Variants in MCOLN2 observed in about 807,000 individuals in gnomAD.
MCOLN2 encodes mucolipin-2.
MCOLN2 carries 57 observed loss-of-function variants against 67.5 expected under a neutral mutation model. The observed-to-expected ratio is 0.84, with a 90% CI of 0.68 to 1.05. The LOEUF (loss-of-function observed/expected upper bound fraction) is 1.05. Ranked by LOEUF, MCOLN2 falls within the 50% of genes least tolerant of loss-of-function variation. The pLI, the probability that MCOLN2 is intolerant of heterozygous loss-of-function variation, is 0.00. For missense variants in MCOLN2, 620 were observed against 678.8 expected (o/e 0.91, Z 0.96); for synonymous variants, 246 against 233.3 (o/e 1.05, Z -0.50).
chr1:84,952,055 C>G (rs1177974534), intron 6 of MCOLN2, among the ~76,000 whole-genome samples, 188 bp downstream of exon 6: 1 of 152,058 alleles, frequency 6.6e-6, no homozygotes, highest in Non-Finnish European at 1.5e-5. Context: ...CCACTGCACT[C>G]CAGCCTGGGT....
chr1:84,968,811 G>A (rs1649511336), intron 1 of MCOLN2, among the ~76,000 whole-genome samples: 1 of 152,210 alleles, frequency 6.6e-6, no homozygotes, highest in African/African-American at 2.4e-5. Context: ...TACCCTGTCT[G>A]ATTGTAGGTC....
chr1:84,963,211 G>A (rs2102854647), intron 2 of MCOLN2, among the ~76,000 whole-genome samples: 1 of 152,262 alleles, frequency 6.6e-6, no homozygotes, highest in African/African-American at 2.4e-5. Context: ...TCACAGGATT[G>A]CAATGAGGAT....
At chr1:84,943,034 C>T (rs1043609554) in intron 7 of MCOLN2, among the ~76,000 whole-genome samples, 6 of 152,024 alleles carry the variant, frequency 3.9e-5, no homozygotes, top group African/African-American at 7.3e-5. Context: ...TAACAGAAAA[C>T]GGACTAAGAC....
At chr1:84,974,579 C>G (rs557689186) in intron 1 of MCOLN2, among the ~76,000 whole-genome samples, 1 of 152,156 alleles carries the variant, frequency 6.6e-6, no homozygotes, top group East Asian at 1.9e-4. Context: ...CCATTCCTGG[C>G]AGCATTCATC....
intron 6 of MCOLN2, 57 bp from the exon 7 acceptor site, chr1:84,947,189 A>T: frequency 1.1e-6 from 1 of 890,082 alleles, no homozygotes; most frequent in South Asian, 1.4e-5. Flanking sequence ...AACATGTTAG[A>T]TCAAATCTGC....
intron 3 of MCOLN2, among the ~76,000 whole-genome samples, chr1:84,957,488 A>G (rs1648856754): frequency 1.3e-5 from 2 of 152,206 alleles, no homozygotes; most frequent in African/African-American, 2.4e-5. Flanking sequence ...ATAGATAACA[A>G]TTGGAAGATT....
In MCOLN2 at chr1:84,931,248, C is replaced by T. The variant is rs1661386917; in HGVS notation, c.1542+114G>A. The T allele has an allele frequency of 8.1e-6, 6 of 738,876 alleles. No individual in the cohort carries two copies. In the East Asian group the frequency reaches 1.6e-4, roughly 19 times the overall value. The allele number at this position is 738,876 out of a possible 1,614,324, so 45.8% of individuals were successfully genotyped here. A position where few individuals can be genotyped will look rare whatever the true frequency, so the allele number is the denominator to read the frequency against. ...CTCCAGCGTCTAAAAAGTTTGTCCA[C>T]AAAACCTCAAAATCTGAACTGTAAT... On this transcript the variant is annotated intron_variant, in intron 12 of 13. Transcript: ENST00000370608.
intron 7 of MCOLN2, among the ~76,000 whole-genome samples, chr1:84,941,422 G>A (rs1385181306): frequency 1.3e-5 from 2 of 152,184 alleles, no homozygotes; most frequent in South Asian, 2.1e-4. Context: ...GCATGAAGCC[G>A]GGAGGCAGAG....
intron 1 of MCOLN2, among the ~76,000 whole-genome samples, chr1:84,992,459 G>C (rs1650938647): frequency 1.3e-5 from 2 of 152,072 alleles, no homozygotes; most frequent in Non-Finnish European, 2.9e-5. Flanking sequence ...GGCAGGCTGA[G>C]AAGAACGGGA....
intron 7 of MCOLN2, among the ~76,000 whole-genome samples, chr1:84,943,726 T>G (rs1647924980): frequency 6.6e-6 from 1 of 152,204 alleles, no homozygotes; most frequent in African/African-American, 2.4e-5. Context: ...TTCATCTTAC[T>G]AAGCTTCAGA....
chr1:84,961,190 C>T (rs557071247), intron 2 of MCOLN2, among the ~76,000 whole-genome samples: 29 of 152,224 alleles, frequency 1.9e-4, no homozygotes, highest in African/African-American at 6.5e-4. Flanking sequence ...AGGATCTGGA[C>T]CCAGGTCTGA....
chr1:84,987,680 A>G (rs1254830708), intron 1 of MCOLN2, among the ~76,000 whole-genome samples: 2 of 148,022 alleles, frequency 1.4e-5, no homozygotes, highest in Admixed American at 6.8e-5. Flanking sequence ...GTATATAGAT[A>G]TATAGATGTA....
At chr1:84,964,749 G>A (rs1029989721) in intron 2 of MCOLN2, among the ~76,000 whole-genome samples, 1 of 152,108 alleles carries the variant, frequency 6.6e-6, no homozygotes, top group African/African-American at 2.4e-5. Flanking sequence ...TTCTCATAAG[G>A]AGCCGCACCT....
In MCOLN2 at chr1:84,931,560, AT is replaced by A. The variant is rs769070765; in HGVS notation, c.1343del (p.Asn448IlefsTer2). On this transcript the variant is annotated frameshift_variant, in exon 12 of 14. Transcript: ENST00000370608. LOFTEE classifies it high-confidence loss of function. ...VLGPYHDKFE[N>X]LNTVAECLFS... is the part of the protein sequence containing the mutation. The stretch of plus-strand genomic sequence containing the variant: ...ACAGACACTCAGCAACTGTGTTCAG[AT>A]TTTCAAACTGTAGGGGGAAATAAAA... 6.2e-7 allele frequency: 1 copy of A among 1,613,652 alleles called. No homozygotes were observed. The highest frequency in any genetic ancestry group is 8.5e-7 in the Non-Finnish European group (1 of 1,179,710).
Position 84,958,311 on chromosome 1 carries a change from T to TAAAAA in MCOLN2, c.411+217_411+218insTTTTT, listed in dbSNP as rs542086396. Among the ~76,000 whole-genome samples the TAAAAA allele has an allele frequency of 1.4e-4, 21 of 152,308 alleles. No individual in the cohort carries two copies. The South Asian group carries it at 3.3e-3, about 24-fold the overall frequency. On this transcript the variant is annotated intron_variant, in intron 3 of 13. Transcript: ENST00000370608. The stretch of plus-strand genomic sequence containing the variant: ...TTTTCCAAAAGCAGTAGGTATGAAG[T>TAAAAA]GATAAATTAAAAAGATAAATATTTT...
intron 1 of MCOLN2, among the ~76,000 whole-genome samples, chr1:84,981,673 G>T (rs1302579981): frequency 2.6e-5 from 4 of 152,184 alleles, no homozygotes; most frequent in African/African-American, 9.6e-5. Context: ...TAGTGTGGCA[G>T]AGAGGTGGGG....
intron 4 of MCOLN2, among the ~76,000 whole-genome samples, chr1:84,954,964 C>A (rs574801564): frequency 2.6e-5 from 4 of 152,160 alleles, no homozygotes; most frequent in Non-Finnish European, 4.4e-5. Flanking sequence ...TCTGTGTCCC[C>A]AACCAAATCT....
chr1:84,968,561 T>C (rs1005604657), intron 1 of MCOLN2, among the ~76,000 whole-genome samples: 59 of 152,244 alleles, frequency 3.9e-4, no homozygotes, highest in African/African-American at 1.4e-3. Flanking sequence ...ATAACCATGC[T>C]TACCATCTGT....
chr1:84,940,549 T>G (rs1188698251), intron 8 of MCOLN2, among the ~76,000 whole-genome samples: 1 of 152,226 alleles, frequency 6.6e-6, no homozygotes, highest in Non-Finnish European at 1.5e-5. Flanking sequence ...CACATGCTAT[T>G]ACTCTGTTCT....
Sources: gnomAD v4.1 joint callset for allele counts (sites outside exome capture counted in the v4.1 genomes callset) on GRCh38, gnomAD v4.1.1 for gene constraint, MANE v1.5 for transcripts, NCBI Gene and HGNC (gene_info 2026-07-23, HGNC 2026-07-21) for gene names.